Variants in TUSC3 observed in about 807,000 individuals in gnomAD.
TUSC3 encodes dolichyl-diphosphooligosaccharide--protein glycosyltransferase subunit TUSC3.
Under a neutral mutation model 44.8 loss-of-function variants are expected in TUSC3, and 45 were observed. The ratio of observed to expected loss-of-function variants is 1.00; its 90% CI spans 0.79 to 1.29. TUSC3 has a LOEUF of 1.29. TUSC3 is among the 50% of genes most tolerant of loss of function. TUSC3 has a pLI of 0.00. For synonymous variants in TUSC3, 212 were observed against 152.9 expected, an observed-to-expected ratio of 1.39 and a Z score of -2.85; for missense variants, 519 against 437.9, an observed-to-expected ratio of 1.19 and a Z score of -1.65.
At chr8:15,738,169 ATAC>A in intron 7 of TUSC3, among the ~76,000 whole-genome samples, 2 of 152,312 alleles carry the variant, frequency 1.3e-5, no homozygotes, top group South Asian at 4.1e-4. Context: ...GAAAGAGATC[ATAC>A]TTACTTACTG....
At chr8:15,837,286 T>A in the TUSC3 span, among the ~76,000 whole-genome samples, 1 of 152,226 alleles carries the variant, frequency 6.6e-6, no homozygotes, top group Non-Finnish European at 1.5e-5. Context: ...TTATGGCATA[T>A]GTGCTTTTCC....
the TUSC3 span, among the ~76,000 whole-genome samples, chr8:15,833,201 A>G: frequency 2.6e-3 from 389 of 152,298 alleles, 2 homozygotes; most frequent in African/African-American, 8.5e-3. Flanking sequence ...CTAAAAAGTC[A>G]AAAAATAACA....
intron 1 of TUSC3, among the ~76,000 whole-genome samples, chr8:15,610,618 G>A (rs953680955): frequency 2.0e-5 from 3 of 152,138 alleles, no homozygotes; most frequent in African/African-American, 7.2e-5. Flanking sequence ...TTGTTACTTC[G>A]AAATATTCTT....
chr8:15,746,185 T>A (rs1230745928), intron 8 of TUSC3, among the ~76,000 whole-genome samples: 1 of 152,114 alleles, frequency 6.6e-6, no homozygotes, highest in East Asian at 1.9e-4. Context: ...AAGAAATTTG[T>A]AGTAAATTTT....
At chr8:15,448,198 A>T (rs542965432) in intron 1 of TUSC3, among the ~76,000 whole-genome samples, 3 of 150,258 alleles carry the variant, frequency 2.0e-5, no homozygotes, top group Non-Finnish European at 4.4e-5. Context: ...AGCTCACTGC[A>T]ACCTCTGCCT....
intron 2 of TUSC3, among the ~76,000 whole-genome samples, chr8:15,508,707 C>T (rs906428882): frequency 4.6e-5 from 7 of 152,002 alleles, no homozygotes; most frequent in African/African-American, 1.2e-4. Flanking sequence ...GTGATTCACC[C>T]GCCTGGGCGT....
At chr8:15,538,127 G>C (rs1190626309), upstream of TUSC3, among the ~76,000 whole-genome samples, 2 of 152,174 alleles carry the variant, frequency 1.3e-5, no homozygotes, top group Non-Finnish European at 2.9e-5. Flanking sequence ...TACAACTAGG[G>C]ACCTCCCATC....
At chr8:15,508,787 GA>G (rs1223406061) in intron 2 of TUSC3, among the ~76,000 whole-genome samples, 1 of 151,756 alleles carries the variant, frequency 6.6e-6, no homozygotes, top group Non-Finnish European at 1.5e-5. Context: ...AGTGGAATAG[GA>G]AAAAAAGTAG....
the TUSC3 span, among the ~76,000 whole-genome samples, chr8:15,777,547 C>G: frequency 2.0e-5 from 3 of 152,116 alleles, no homozygotes; most frequent in Non-Finnish European, 4.4e-5. Context: ...GACAAAATCT[C>G]TGAATTGAAG....
intron 6 of TUSC3, among the ~76,000 whole-genome samples, chr8:15,720,463 G>A (rs1441855346): frequency 1.3e-5 from 2 of 151,968 alleles, no homozygotes; most frequent in African/African-American, 4.8e-5. Flanking sequence ...TGTTATATAG[G>A]CCTAATGTCT....
At chr8:15,639,319 A>G (rs1585181321) in intron 2 of TUSC3, among the ~76,000 whole-genome samples, 1 of 152,194 alleles carries the variant, frequency 6.6e-6, no homozygotes, top group East Asian at 1.9e-4. Context: ...TTGATGCTAG[A>G]TCACGTGATG....
chr8:15,808,667 T>C, the TUSC3 span, among the ~76,000 whole-genome samples: 1 of 152,130 alleles, frequency 6.6e-6, no homozygotes, highest in Non-Finnish European at 1.5e-5. Context: ...GGAGTAAGAG[T>C]GCCAGACATG....
At chr8:15,589,568 C>G (rs1027917813) in intron 1 of TUSC3, among the ~76,000 whole-genome samples, 2 of 152,034 alleles carry the variant, frequency 1.3e-5, no homozygotes, top group African/African-American at 4.8e-5. Context: ...TTGAGATAGA[C>G]AATTAGCTTG....
intron 1 of TUSC3, among the ~76,000 whole-genome samples, chr8:15,449,103 A>C (rs74400624): frequency 1.3e-3 from 199 of 152,310 alleles, no homozygotes; most frequent in African/African-American, 4.5e-3. Context: ...TGTAGCCTGT[A>C]TATGGTCATT....
At chr8:15,589,944 A>G (rs1322207620) in intron 1 of TUSC3, among the ~76,000 whole-genome samples, 1 of 152,182 alleles carries the variant, frequency 6.6e-6, no homozygotes, top group African/African-American at 2.4e-5. Context: ...GCTTAACTTA[A>G]TGTAGACTTG....
At chr8:15,727,383 A>G (rs2129206796) in intron 6 of TUSC3, among the ~76,000 whole-genome samples, 1 of 152,228 alleles carries the variant, frequency 6.6e-6, no homozygotes, top group East Asian at 1.9e-4. Flanking sequence ...GTATTCTTGT[A>G]ATTTGTGTAG....
intron 2 of TUSC3, among the ~76,000 whole-genome samples, chr8:15,625,725 G>C (rs1390421065): frequency 6.6e-6 from 1 of 152,160 alleles, no homozygotes; most frequent in Non-Finnish European, 1.5e-5. Flanking sequence ...TTTTACTCAG[G>C]TTAGGTGGTA....
At chr8:15,493,692 A>G (rs1800840598) in intron 2 of TUSC3, among the ~76,000 whole-genome samples, 1 of 152,216 alleles carries the variant, frequency 6.6e-6, no homozygotes, top group African/African-American at 2.4e-5. Flanking sequence ...GGAATGAACT[A>G]TCCAATTAGA....
chr8:15,477,177 C>A (rs762093642), intron 1 of TUSC3, among the ~76,000 whole-genome samples: 2 of 152,128 alleles, frequency 1.3e-5, no homozygotes, highest in Non-Finnish European at 2.9e-5. Flanking sequence ...ATGAATCGAC[C>A]TTAGGTTCCC....
Sources: gnomAD v4.1 joint callset for allele counts (sites outside exome capture counted in the v4.1 genomes callset) on GRCh38, gnomAD v4.1.1 for gene constraint, MANE v1.5 for transcripts, NCBI Gene and HGNC (gene_info 2026-07-23, HGNC 2026-07-21) for gene names.